The following GNG12 variants were observed in gnomAD, a reference collection of about 807,000 sequenced individuals.
The protein encoded by GNG12 is guanine nucleotide-binding protein G(I)/G(S)/G(O) subunit gamma-12.
For missense variants in GNG12, 69 were observed against 83.8 expected (o/e 0.82, Z 0.69); for synonymous variants, 28 against 29.7 (o/e 0.94, Z 0.19).
chr1:67,781,721 G>A (rs1646738674), intron 1 of GNG12, among the ~76,000 whole-genome samples: 1 of 152,138 alleles, frequency 6.6e-6, no homozygotes, highest in African/African-American at 2.4e-5. Context: ...AGAAGTAGAT[G>A]AATTCAGTAT....
At chr1:67,750,952 T>C (rs1035283339) in intron 2 of GNG12, among the ~76,000 whole-genome samples, 2 of 152,242 alleles carry the variant, frequency 1.3e-5, no homozygotes, top group African/African-American at 4.8e-5. Flanking sequence ...TCATATACTT[T>C]AAAAATAACA....
chr1:67,792,183 T>C (rs573434125), intron 1 of GNG12, among the ~76,000 whole-genome samples: 1 of 152,046 alleles, frequency 6.6e-6, no homozygotes, highest in South Asian at 2.1e-4. Context: ...TATTGAATTA[T>C]TCCCTCTCCT....
chr1:67,733,511 T>C (rs938562825), intron 2 of GNG12, among the ~76,000 whole-genome samples: 4 of 152,250 alleles, frequency 2.6e-5, no homozygotes, highest in Non-Finnish European at 5.9e-5. Flanking sequence ...ATTGCATTTT[T>C]CACTCAATAA....
intron 2 of GNG12, among the ~76,000 whole-genome samples, chr1:67,754,156 AC>A (rs1177214984): frequency 6.6e-6 from 1 of 152,022 alleles, no homozygotes; most frequent in Non-Finnish European, 1.5e-5. Flanking sequence ...CCAACTCTGT[AC>A]AGATTTCTGG....
intron 2 of GNG12, among the ~76,000 whole-genome samples, chr1:67,750,605 A>G (rs1394835992): frequency 2.0e-5 from 3 of 152,210 alleles, no homozygotes; most frequent in Non-Finnish European, 4.4e-5. Flanking sequence ...ATCATTTTAT[A>G]TCATTAGCCC....
intron 2 of GNG12, among the ~76,000 whole-genome samples, chr1:67,766,207 G>A (rs1646638310): frequency 6.6e-6 from 1 of 150,870 alleles, no homozygotes; most frequent in African/African-American, 2.4e-5. Context: ...ATTACAGGCT[G>A]ACAATCTTTC....
intron 3 of GNG12, among the ~76,000 whole-genome samples, chr1:67,707,333 A>G (rs1646255373): frequency 1.3e-5 from 2 of 152,212 alleles, no homozygotes; most frequent in Non-Finnish European, 2.9e-5. Flanking sequence ...GGACTTGACC[A>G]TGTTCATTCA....
At chr1:67,787,402 G>A (rs748205280) in intron 1 of GNG12, among the ~76,000 whole-genome samples, 36 of 152,126 alleles carry the variant, frequency 2.4e-4, no homozygotes, top group Non-Finnish European at 4.7e-4. Flanking sequence ...CTCTAGTGGA[G>A]TCCTATTAAA....
intron 2 of GNG12, among the ~76,000 whole-genome samples, chr1:67,733,711 T>TCCTGGGAGTCATTGCAGGAC (rs1457781800): frequency 6.6e-6 from 1 of 152,146 alleles, no homozygotes; most frequent in African/African-American, 2.4e-5. Context: ...CCAGTGGACT[T>TCCTGGGAGTCATTGCAGGAC]CCCCCAAACC....
At position 67,764,438 on chromosome 1, in the gene GNG12, G is replaced by C. The variant is rs747090418; in HGVS notation, c.-27+13020C>G. On this transcript the variant is annotated intron_variant, in intron 2 of 3. Transcript: ENST00000370982. ...CTTCCAAAGCCTACCCTTCTCCTCT[G>C]TCTGTCCTAGTCAGCAGAGTCTAAA... Among the ~76,000 whole-genome samples the C allele has an allele frequency of 2.8e-4, 43 of 152,264 alleles. 1 individual carries two copies. Among genetic ancestry groups the C allele is most frequent in the South Asian group, 4.1e-4 (2 of 4,826 alleles).
chr1:67,754,432 C>T (rs1348463225), intron 2 of GNG12, among the ~76,000 whole-genome samples: 1 of 152,162 alleles, frequency 6.6e-6, no homozygotes, highest in Non-Finnish European at 1.5e-5. Flanking sequence ...CACACCCCTT[C>T]TTCTGTCTCC....
intron 2 of GNG12, among the ~76,000 whole-genome samples, chr1:67,741,205 T>C (rs1274909218): frequency 6.6e-6 from 1 of 152,204 alleles, no homozygotes; most frequent in Non-Finnish European, 1.5e-5. Flanking sequence ...CTGAAAAGCA[T>C]TTTTTACAAC....
At chr1:67,790,209 T>G (rs1033486106) in intron 1 of GNG12, among the ~76,000 whole-genome samples, 1 of 152,208 alleles carries the variant, frequency 6.6e-6, no homozygotes, top group Non-Finnish European at 1.5e-5. Context: ...ACCTACCACC[T>G]GCTTCCTGGG....
At chr1:67,807,709 C>A (rs1164739733) in intron 1 of GNG12, among the ~76,000 whole-genome samples, 2 of 151,956 alleles carry the variant, frequency 1.3e-5, no homozygotes, top group Non-Finnish European at 2.9e-5. Flanking sequence ...AATTTGATAA[C>A]CCAGATGAAA....
At chr1:67,805,030 T>G (rs980242852) in intron 1 of GNG12, among the ~76,000 whole-genome samples, 3 of 152,206 alleles carry the variant, frequency 2.0e-5, no homozygotes, top group African/African-American at 7.2e-5. Flanking sequence ...CTAATCTGTT[T>G]GGGTTTTATC....
At chr1:67,802,679 GC>G (rs1285834058) in intron 1 of GNG12, among the ~76,000 whole-genome samples, 1 of 152,172 alleles carries the variant, frequency 6.6e-6, no homozygotes, top group African/African-American at 2.4e-5. Flanking sequence ...TCTTTGCCCT[GC>G]TGCTGCATCC....
chr1:67,810,331 A>C (rs1452456029), intron 1 of GNG12, among the ~76,000 whole-genome samples: 1 of 152,214 alleles, frequency 6.6e-6, no homozygotes, highest in African/African-American at 2.4e-5. Flanking sequence ...ACACTGGTGA[A>C]TACATGTCAT....
intron 2 of GNG12, among the ~76,000 whole-genome samples, chr1:67,730,480 G>C (rs999274949): frequency 3.3e-5 from 5 of 152,116 alleles, no homozygotes; most frequent in Non-Finnish European, 7.4e-5. Flanking sequence ...ACTCCAGCCT[G>C]GTCAACAGAG....
intron 2 of GNG12, among the ~76,000 whole-genome samples, chr1:67,747,152 C>G (rs915265342): frequency 1.3e-5 from 2 of 152,208 alleles, no homozygotes; most frequent in Non-Finnish European, 2.9e-5. Flanking sequence ...CGGACTCTTG[C>G]TCTGTTGCCC....
Sources: gnomAD v4.1 joint callset for allele counts (sites outside exome capture counted in the v4.1 genomes callset) on GRCh38, gnomAD v4.1.1 for gene constraint, MANE v1.5 for transcripts, NCBI Gene and HGNC (gene_info 2026-07-23, HGNC 2026-07-21) for gene names.